The following KIF26B variants were observed in gnomAD, a reference collection of about 807,000 sequenced individuals.
The protein encoded by KIF26B is kinesin family member 26B, also known as kinesin-like protein KIF26B.
In KIF26B, 63 loss-of-function variants were observed where a neutral mutation model predicts 151.2. The observed-to-expected ratio is 0.42, with a 90% CI of 0.34 to 0.51. The LOEUF (loss-of-function observed/expected upper bound fraction) is 0.51, where lower values mean the gene tolerates loss of function less well. Among genes scored for constraint, KIF26B ranks in the 20% least tolerant of loss-of-function variants. KIF26B has a pLI of 0.07. For missense variants in KIF26B, 2,813 were observed against 2,913.6 expected, an observed-to-expected ratio of 0.97 and a Z score of 0.79; for synonymous variants, 1,357 against 1,262.1, an observed-to-expected ratio of 1.08 and a Z score of -1.59.
intron 2 of KIF26B, among the ~76,000 whole-genome samples, chr1:245,160,425 T>TAC (rs1668512842): frequency 6.6e-6 from 1 of 152,190 alleles, no homozygotes; most frequent in Admixed American, 6.5e-5. Flanking sequence ...TCCTGCTTTG[T>TAC]ACACAGTCAG....
At chr1:245,419,524 T>A (rs1341189373) in intron 3 of KIF26B, 55 bp from the exon 4 acceptor site, 1 of 1,516,396 alleles carries the variant, frequency 6.6e-7, no homozygotes, top group East Asian at 2.4e-5. Flanking sequence ...CTGTCAGTGG[T>A]CAGGAAAAGC....
chr1:245,400,341 T>G (rs2103026591), intron 3 of KIF26B, among the ~76,000 whole-genome samples: 1 of 152,290 alleles, frequency 6.6e-6, no homozygotes, highest in African/African-American at 2.4e-5. Context: ...ATTCGCCTAT[T>G]TTACCATGGG....
chr1:245,331,242 C>T (rs1385536195), intron 2 of KIF26B, among the ~76,000 whole-genome samples: 3 of 151,958 alleles, frequency 2.0e-5, no homozygotes. Flanking sequence ...CACGTGCGGA[C>T]CAGAGGCTTC....
intron 3 of KIF26B, among the ~76,000 whole-genome samples, chr1:245,401,447 T>C (rs991373822): frequency 2.6e-5 from 4 of 152,240 alleles, no homozygotes; most frequent in Admixed American, 2.0e-4. Context: ...TAAACCCATG[T>C]AACTGCACAC....
chr1:245,473,028 T>C (rs1471365864), intron 4 of KIF26B, among the ~76,000 whole-genome samples: 2 of 152,250 alleles, frequency 1.3e-5, no homozygotes, highest in African/African-American at 2.4e-5. Flanking sequence ...CTTAGGACTC[T>C]GCTCTCTGTC....
In KIF26B at chr1:245,702,738, G is replaced by C; in HGVS notation, c.*132G>C. On this transcript the variant is annotated 3_prime_UTR_variant, in exon 15 of 15. Coordinates refer to ENST00000407071, the MANE Select transcript of KIF26B (RefSeq NM_018012.4). The surrounding 1 kb of genome is among the most constrained non-coding windows in gnomAD (Gnocchi z 4.1). ...GAAGGTTGGTGGCAAGTCTGGAGCG[G>C]GCGTTGAGCGGAAGGCGAGTTTTCT... 9.9e-7 allele frequency: 1 copy of C among 1,011,622 alleles called. No homozygotes were observed. 62.7% of individuals were successfully genotyped at this position (1,011,622 alleles called of 1,614,324 possible).
In KIF26B at chr1:245,685,526, T is replaced by C. The variant is rs761720837; in HGVS notation, c.2543T>C (p.Leu848Pro). The change falls in exon 12 of 15, where the codon CTG (leucine) becomes CCG (proline). Residue 848 changes from leucine to proline, a missense_variant. Coordinates refer to ENST00000407071, the MANE Select transcript of KIF26B (RefSeq NM_018012.4). Reference protein sequence around the residue: ...TVDPDFPIAHLSSDPDYSSSS... With the variant: ...TVDPDFPIAHPSSDPDYSSSS... ...GACCCTGACTTCCCCATCGCTCACC[T>C]GTCCAGCGACCCCGACTACTCCTCC... 2.5e-6 allele frequency: 4 copies of C among 1,613,740 alleles called. No individual in the cohort carries two copies. Among genetic ancestry groups the C allele is most frequent in the East Asian group, 2.2e-5 (1 of 44,876 alleles).
At chr1:245,630,602 G>T (rs1030068213) in intron 9 of KIF26B, among the ~76,000 whole-genome samples, 15 of 152,174 alleles carry the variant, frequency 9.9e-5, no homozygotes, top group Non-Finnish European at 1.5e-4. Context: ...GGAAAGGGGA[G>T]TGAGAGCATT....
intron 10 of KIF26B, among the ~76,000 whole-genome samples, chr1:245,679,657 T>C (rs1259431852): frequency 6.6e-6 from 1 of 151,826 alleles, no homozygotes; most frequent in Non-Finnish European, 1.5e-5. Flanking sequence ...TTAGTAGAGA[T>C]GGGGTTTCAC....
intron 2 of KIF26B, among the ~76,000 whole-genome samples, chr1:245,312,990 C>T (rs1016913903): frequency 9.9e-5 from 15 of 151,976 alleles, no homozygotes; most frequent in African/African-American, 3.6e-4. Flanking sequence ...TGAGACCCGT[C>T]TCTACTAAAA....
intron 10 of KIF26B, among the ~76,000 whole-genome samples, chr1:245,670,041 C>T (rs765111614): frequency 4.6e-5 from 7 of 152,044 alleles, no homozygotes; most frequent in African/African-American, 1.4e-4. Context: ...TATACTACTT[C>T]GGTGACAGGT....
At chr1:245,489,155 A>C (rs1354129831) in intron 4 of KIF26B, among the ~76,000 whole-genome samples, 1 of 152,232 alleles carries the variant, frequency 6.6e-6, no homozygotes, top group African/African-American at 2.4e-5. Context: ...CTTACTGATC[A>C]TTATAAATGC....
At chr1:245,309,270 TTTGGTCAAACG>T (rs1314157866) in intron 2 of KIF26B, among the ~76,000 whole-genome samples, 1 of 152,180 alleles carries the variant, frequency 6.6e-6, no homozygotes, top group Admixed American at 6.5e-5. Context: ...TGCCCAGATA[TTTGGTCAAACG>T]TTGTTCTTGG....
chr1:245,261,027 CTGTCTT>C (rs1402694108), intron 2 of KIF26B, among the ~76,000 whole-genome samples: 1 of 118,926 alleles, frequency 8.4e-6, no homozygotes, highest in Non-Finnish European at 1.8e-5. Context: ...TCCTTCCTCT[CTGTCTT>C]TCTTTCTTTT....
intron 2 of KIF26B, among the ~76,000 whole-genome samples, chr1:245,243,841 A>T (rs1215568641): frequency 6.6e-6 from 1 of 150,782 alleles, no homozygotes; most frequent in African/African-American, 2.4e-5. Context: ...ACAGAGTGAG[A>T]CTCTGTCTTG....
Position 245,686,361 on chromosome 1 carries a change from GC to G in KIF26B, c.3383del (p.Pro1128ArgfsTer4), listed in dbSNP as rs1281515242. 1 of 1,613,194 alleles carries G rather than the reference GC, an allele frequency of 6.2e-7. No individual in the cohort carries two copies. Among genetic ancestry groups the G allele is most frequent in the Non-Finnish European group, 8.5e-7 (1 of 1,179,876 alleles). On this transcript the variant is annotated frameshift_variant, in exon 12 of 15. Coordinates refer to ENST00000407071, the MANE Select transcript of KIF26B (RefSeq NM_018012.4). LOFTEE classifies it high-confidence loss of function. The surrounding 1 kb of genome is among the most constrained non-coding windows in gnomAD (Gnocchi z 5.6). ...ESLLQPEVRT[P>X]PVGMSPQVLK... ...CCTTGCTGCAGCCCGAGGTGCGTACGCCCCCGGTTGGAATGAGCCCCCAGGT... is the reference window on the plus strand; with the variant it reads ...CCTTGCTGCAGCCCGAGGTGCGTACGCCCCGGTTGGAATGAGCCCCCAGGT...
At chr1:245,670,598 G>A (rs915946569) in intron 10 of KIF26B, among the ~76,000 whole-genome samples, 1 of 151,894 alleles carries the variant, frequency 6.6e-6, no homozygotes, top group Non-Finnish European at 1.5e-5. Flanking sequence ...GTAGCATTAA[G>A]CATAATAGCC....
chr1:245,178,673 C>T (rs752495443), intron 2 of KIF26B, among the ~76,000 whole-genome samples: 8 of 152,214 alleles, frequency 5.3e-5, no homozygotes, highest in Non-Finnish European at 7.3e-5. Flanking sequence ...AACCTCTTTA[C>T]CCTGATTTCC....
At chr1:245,273,234 T>G (rs891203989) in intron 2 of KIF26B, among the ~76,000 whole-genome samples, 2 of 151,932 alleles carry the variant, frequency 1.3e-5, no homozygotes, top group Admixed American at 1.3e-4. Flanking sequence ...GGCAACATGG[T>G]GAAACCCTGT....
Sources: allele counts gnomAD v4.1 joint callset (sites outside exome capture counted in the v4.1 genomes callset), GRCh38; gene constraint gnomAD v4.1.1; non-coding constraint Gnocchi (gnomAD v3.1); transcripts MANE v1.5; gene names NCBI Gene and HGNC (gene_info 2026-07-23, HGNC 2026-07-21).